The following ADAMTS6 variants were observed in gnomAD, a reference collection of about 807,000 sequenced individuals.
The protein encoded by ADAMTS6 is A disintegrin and metalloproteinase with thrombospondin motifs 6.
ADAMTS6 carries 23 observed loss-of-function variants against 144.3 expected under a neutral mutation model. The observed-to-expected ratio is 0.16, with a 90% CI of 0.11 to 0.23. The LOEUF (loss-of-function observed/expected upper bound fraction) is 0.23, where lower values mean the gene tolerates loss of function less well. ADAMTS6 is among the 10% of genes least tolerant of loss of function. The pLI is 1.00. For synonymous variants in ADAMTS6, 444 were observed against 457.5 expected (o/e 0.97, Z 0.38); for missense variants, 999 against 1,379.6 (o/e 0.72, Z 4.37).
In ADAMTS6 at chr5:65,259,123, G is replaced by A. The variant is rs1450830286; in HGVS notation, c.1830+1477C>T. 5.9e-5 allele frequency among the ~76,000 whole-genome samples: 9 copies of A among 152,090 alleles called. No homozygotes were observed. The South Asian group carries it at 8.3e-4, about 14-fold the overall frequency. ...TGTAATCCCAGCACTTTGGGAGGCC[G>A]AGGCGGGTGGATCACCTGAGGTCAG... On this transcript the variant is annotated intron_variant, in intron 14 of 24. Coordinates refer to ENST00000381055, the MANE Select transcript of ADAMTS6 (RefSeq NM_197941.4).
intron 10 of ADAMTS6, 118 bp downstream of exon 10, chr5:65,299,867 A>G: frequency 8.9e-7 from 1 of 1,125,488 alleles, no homozygotes; most frequent in Non-Finnish European, 1.2e-6. Flanking sequence ...AAAAGTTGAA[A>G]CATCAGTAGG....
chr5:65,214,466 CT>C lies in ADAMTS6; in HGVS notation c.2575+327del, dbSNP rs1756762055. The C allele has an allele frequency of 8.4e-5, 32 of 381,620 alleles. 2 individuals are homozygous for C. The highest frequency in any genetic ancestry group is 7.2e-4 in the South Asian group (32 of 44,390). The allele number at this position is 381,620 out of a possible 1,614,324, so 23.6% of individuals were successfully genotyped here. On this transcript the variant is annotated intron_variant, in intron 20 of 24. Coordinates refer to ENST00000381055, the MANE Select transcript of ADAMTS6 (RefSeq NM_197941.4). The surrounding 1 kb of genome is among the most constrained non-coding windows in gnomAD (Gnocchi z 4.6). ...GTGATGTCTGATTCTTGCTCATTTT[CT>C]TTTTTAAAACTTTTGATGTTCTTTA...
At chr5:65,176,788 A>G (rs1322949875) in intron 22 of ADAMTS6, among the ~76,000 whole-genome samples, 1 of 152,252 alleles carries the variant, frequency 6.6e-6, no homozygotes, top group African/African-American at 2.4e-5. Context: ...CTTATCTGGT[A>G]TAAAAATCAT....
chr5:65,285,788 C>G (rs1008725336), intron 11 of ADAMTS6, among the ~76,000 whole-genome samples: 1 of 152,104 alleles, frequency 6.6e-6, no homozygotes, highest in Non-Finnish European at 1.5e-5. Context: ...TTAGAAAAGG[C>G]CTCATTTACA....
chr5:65,332,616 T>A (rs1746873765), intron 8 of ADAMTS6, among the ~76,000 whole-genome samples: 1 of 152,144 alleles, frequency 6.6e-6, no homozygotes, highest in South Asian at 2.1e-4. Context: ...TTTCCTTAAA[T>A]GATTTTAACC....
chr5:65,191,602 T>G (rs4700078), intron 21 of ADAMTS6, among the ~76,000 whole-genome samples: 116,410 of 151,802 alleles, frequency 0.77, 45,464 homozygotes, highest in African/African-American at 0.91. Context: ...GAGAAATTCA[T>G]TTATATAAAT....
intron 22 of ADAMTS6, among the ~76,000 whole-genome samples, chr5:65,175,145 C>A (rs933500275): frequency 1.5e-4 from 22 of 151,490 alleles, no homozygotes; most frequent in Non-Finnish European, 5.9e-5. Context: ...AGAACAGCAG[C>A]ATAAGTGGCT....
At position 65,424,814 on chromosome 5, in the gene ADAMTS6, T is replaced by C. The variant is rs188152729; in HGVS notation, c.1073+26661A>G. Among the ~76,000 whole-genome samples, 465 of 152,336 alleles carry C rather than the reference T, an allele frequency of 3.1e-3. 2 individuals are homozygous for C. The highest frequency in any genetic ancestry group is 5.0e-3 in the Non-Finnish European group (337 of 68,024). The stretch of plus-strand genomic sequence containing the variant: ...ATCTTATTTATCCTGGCTTTTTAAT[T>C]ATGTTGTTTTCCTTGATCAGTGGAC... On this transcript the variant is annotated intron_variant, in intron 7 of 24. Transcript: ENST00000381055.
At chr5:65,246,135 C>T (rs1438567745) in intron 14 of ADAMTS6, among the ~76,000 whole-genome samples, 1 of 152,162 alleles carries the variant, frequency 6.6e-6, no homozygotes, top group Non-Finnish European at 1.5e-5. Context: ...AAACACTTTT[C>T]AAACAGCTGC....
intron 7 of ADAMTS6, among the ~76,000 whole-genome samples, chr5:65,426,727 A>C (rs1756567020): frequency 6.6e-6 from 1 of 151,920 alleles, no homozygotes; most frequent in African/African-American, 2.4e-5. Flanking sequence ...AAACAAAACA[A>C]AACAAAAAGT....
chr5:65,443,079 T>C (rs772296344), intron 7 of ADAMTS6, among the ~76,000 whole-genome samples: 11 of 152,210 alleles, frequency 7.2e-5, no homozygotes, highest in Non-Finnish European at 1.0e-4. Flanking sequence ...CAGTCTATCA[T>C]TGATGAGCAT....
At chr5:65,430,847 G>A (rs1268731182) in intron 7 of ADAMTS6, among the ~76,000 whole-genome samples, 1 of 152,034 alleles carries the variant, frequency 6.6e-6, no homozygotes, top group Non-Finnish European at 1.5e-5. Context: ...TCATTCTTCA[G>A]AATCTTTTAA....
chr5:65,338,640 C>A (rs577191725), intron 7 of ADAMTS6, among the ~76,000 whole-genome samples: 2 of 152,096 alleles, frequency 1.3e-5, no homozygotes, highest in African/African-American at 4.8e-5. Flanking sequence ...AAAGACACAC[C>A]CTCCCAGCCA....
intron 7 of ADAMTS6, among the ~76,000 whole-genome samples, chr5:65,399,112 CTGGGCGCGGTGG>C (rs762033151): frequency 1.3e-5 from 2 of 152,088 alleles, no homozygotes; most frequent in Non-Finnish European, 1.5e-5. Context: ...CAAAAATTAG[CTGGGCGCGGTGG>C]TGGGCGCCTG....
chr5:65,372,879 T>A (rs1443280940), intron 7 of ADAMTS6, among the ~76,000 whole-genome samples: 1 of 151,858 alleles, frequency 6.6e-6, no homozygotes, highest in Non-Finnish European at 1.5e-5. Flanking sequence ...TCAGCAAATG[T>A]AAAAGAACAG....
At chr5:65,459,648 T>A (rs114957161) in intron 4 of ADAMTS6, among the ~76,000 whole-genome samples, 277 of 152,294 alleles carry the variant, frequency 1.8e-3, no homozygotes, top group African/African-American at 6.4e-3. Flanking sequence ...TACCTTCACT[T>A]TTCCCCCAGC....
At chr5:65,283,982 T>G (rs931385522) in intron 11 of ADAMTS6, among the ~76,000 whole-genome samples, 18 of 152,082 alleles carry the variant, frequency 1.2e-4, no homozygotes, top group African/African-American at 4.3e-4. Context: ...ATTTTCTCAT[T>G]CCCTTATATG....
At chr5:65,402,450 C>A (rs1754002732) in intron 7 of ADAMTS6, among the ~76,000 whole-genome samples, 1 of 152,128 alleles carries the variant, frequency 6.6e-6, no homozygotes, top group African/African-American at 2.4e-5. Context: ...TCACTAGGGA[C>A]TTTCTCCTAC....
At chr5:65,425,142 G>T (rs944261938) in intron 7 of ADAMTS6, among the ~76,000 whole-genome samples, 1 of 152,018 alleles carries the variant, frequency 6.6e-6, no homozygotes, top group Non-Finnish European at 1.5e-5. Context: ...GATTACAGGC[G>T]CACGGCACCA....
Sources: gnomAD v4.1 joint callset for allele counts (sites outside exome capture counted in the v4.1 genomes callset) on GRCh38, gnomAD v4.1.1 for gene constraint, Gnocchi (gnomAD v3.1) non-coding constraint, MANE v1.5 for transcripts, NCBI Gene and HGNC (gene_info 2026-07-23, HGNC 2026-07-21) for gene names.